The following PDE9A variants were observed in gnomAD, a reference collection of about 807,000 sequenced individuals.
PDE9A encodes the protein phosphodiesterase 9A, also known as high affinity cGMP-specific 3',5'-cyclic phosphodiesterase 9A.
A neutral mutation model predicts 87.4 loss-of-function variants in PDE9A; 60 were observed. The observed-to-expected ratio is 0.69, with a 90% CI of 0.56 to 0.85. The LOEUF (loss-of-function observed/expected upper bound fraction) is 0.85, where lower values mean the gene tolerates loss of function less well. Ranked by LOEUF, PDE9A falls within the 40% of genes least tolerant of loss-of-function variation. The pLI, the probability that PDE9A is intolerant of heterozygous loss-of-function variation, is 0.00. For synonymous variants in PDE9A, 272 were observed against 279.4 expected (o/e 0.97, Z 0.27); for missense variants, 665 against 779.0 (o/e 0.85, Z 1.74).
chr21:42,769,100 C>A lies in PDE9A; in HGVS notation c.1535C>A (p.Ala512Asp). Residue 512 changes from alanine to aspartate, a missense_variant, in exon 17 of 20, where the codon GCC (alanine) becomes GAC (aspartate). Ala to Asp is a moderately radical substitution (Grantham distance 126). Transcript: ENST00000291539. ...MDRDKVTKAT[A>D]QIGFIKFVLI... ...CGAGACAAAGTGACCAAGGCCACAGCCCAGATTGGGTTCATCAAGTTTGTC... is the reference window on the plus strand; with the variant it reads ...CGAGACAAAGTGACCAAGGCCACAGACCAGATTGGGTTCATCAAGTTTGTC... 1 of 1,613,794 alleles carries A rather than the reference C, an allele frequency of 6.2e-7. No homozygotes were observed. Among genetic ancestry groups the A allele is most frequent in the Non-Finnish European group, 8.5e-7 (1 of 1,179,722 alleles).
Position 42,760,946 on chromosome 21 carries a change from C to A in PDE9A, c.1085+39C>A. 2 of 1,349,376 alleles carry A rather than the reference C, an allele frequency of 1.5e-6. No individual in the cohort carries two copies. The highest frequency in any genetic ancestry group is 2.1e-6 in the Non-Finnish European group (2 of 939,068). The allele number at this position is 1,349,376 out of a possible 1,614,324, so 83.6% of individuals were successfully genotyped here. The stretch of plus-strand genomic sequence containing the variant: ...TTTCTCTTTTTTTCCTTTTAAAAGG[C>A]ACCCTGGCTACTGGAGGGAACCTGT... On this transcript the variant is annotated intron_variant, in intron 13 of 19. Transcript: ENST00000291539. The surrounding 1 kb of genome is among the most constrained non-coding windows in gnomAD (Gnocchi z 5.2).
intron 4 of PDE9A, among the ~76,000 whole-genome samples, chr21:42,726,624 A>ATATATATATTTTTTTTTTTTTT: frequency 5.1e-5 from 1 of 19,780 alleles, no homozygotes; most frequent in African/African-American, 3.4e-4. Flanking sequence ...ATATATATAT[A>ATATATATATTTTTTTTTTTTTT]TTTTTTTTTT....
rs536689766 is a variant in PDE9A at position 42,675,836 on chromosome 21, C to A, written c.70-10356C>A. Among the ~76,000 whole-genome samples the A allele has an allele frequency of 6.6e-6, 1 of 152,300 alleles. No individual in the cohort carries two copies. Among genetic ancestry groups the A allele is most frequent in the South Asian group, 2.1e-4 (1 of 4,830 alleles). ...GATCCAGATTCTCCAGTTGTACTTG[C>A]TGATGTCGTTTAGATATTTGTCCCC... On this transcript the variant is annotated intron_variant, in intron 1 of 19. Transcript: ENST00000291539. This position sits in a 1 kb window ranked among gnomAD's most constrained non-coding sequence, Gnocchi z 4.3.
chr21:42,711,070 A>C (rs1440959616), intron 4 of PDE9A, among the ~76,000 whole-genome samples: 1 of 152,228 alleles, frequency 6.6e-6, no homozygotes, highest in East Asian at 1.9e-4. Context: ...GAAACTCTAC[A>C]TAAGCTAGGA....
intron 4 of PDE9A, among the ~76,000 whole-genome samples, chr21:42,716,994 C>T (rs1425090341): frequency 6.6e-6 from 1 of 151,298 alleles, no homozygotes; most frequent in Non-Finnish European, 1.5e-5. Context: ...TCAAGTGATC[C>T]ACCCGCCTCA....
chr21:42,697,208 CA>C (rs1251616608), intron 3 of PDE9A, among the ~76,000 whole-genome samples: 1 of 152,146 alleles, frequency 6.6e-6, no homozygotes, highest in Non-Finnish European at 1.5e-5. Context: ...CCGAGAACCT[CA>C]GCCTCACCGC....
chr21:42,767,104 A>T (rs1489723628), intron 15 of PDE9A, among the ~76,000 whole-genome samples: 1 of 151,952 alleles, frequency 6.6e-6, no homozygotes, highest in Admixed American at 6.6e-5. Flanking sequence ...TCTCACTGCT[A>T]CGGAGCCCCA....
intron 1 of PDE9A, 41 bp from the exon 2 acceptor site, chr21:42,686,151 C>T: frequency 1.3e-6 from 2 of 1,531,860 alleles, no homozygotes; most frequent in South Asian, 1.1e-5. Context: ...CAGGGAGACC[C>T]GCCGCCCTCG....
intron 1 of PDE9A, among the ~76,000 whole-genome samples, chr21:42,674,313 A>AT (rs1383235765): frequency 2.2e-5 from 2 of 92,260 alleles, no homozygotes; most frequent in African/African-American, 5.9e-5. Flanking sequence ...GGCTTTAGAC[A>AT]TTCTTTTTTT....
rs144105448 is a variant in PDE9A at position 42,763,668 on chromosome 21, G to A, written c.1242+1429G>A. On this transcript the variant is annotated intron_variant, in intron 14 of 19. Coordinates refer to ENST00000291539, the MANE Select transcript of PDE9A (RefSeq NM_002606.3). Reference sequence around the variant, plus strand: ...CCCCAGGACACTCACCCAGGGCACCGTCTTCTGCGGTTCCACAAGGCAGAC... The same window carrying A: ...CCCCAGGACACTCACCCAGGGCACCATCTTCTGCGGTTCCACAAGGCAGAC... 7.4e-4 allele frequency among the ~76,000 whole-genome samples: 112 copies of A among 152,292 alleles called. 2 individuals are homozygous for A. In the East Asian group the frequency reaches 0.02, roughly 27 times the overall value.
chr21:42,747,581 G>A (rs2053995492), intron 8 of PDE9A, among the ~76,000 whole-genome samples: 1 of 152,268 alleles, frequency 6.6e-6, no homozygotes, highest in Non-Finnish European at 1.5e-5. Context: ...CCCGGGAGCA[G>A]GTGGCCGTCC....
intron 1 of PDE9A, among the ~76,000 whole-genome samples, chr21:42,671,076 C>A (rs1006200451): frequency 6.6e-6 from 1 of 152,094 alleles, no homozygotes; most frequent in African/African-American, 2.4e-5. Context: ...ACAAAGGAAG[C>A]GTTCTACTCC....
intron 16 of PDE9A, 160 bp downstream of exon 16, chr21:42,768,452 CA>C: frequency 9.0e-7 from 1 of 1,114,244 alleles, no homozygotes; most frequent in Non-Finnish European, 1.2e-6. Context: ...ACATCAGAAA[CA>C]AAATAGGTTA....
chr21:42,769,756 G>T (rs1158675019), intron 17 of PDE9A, among the ~76,000 whole-genome samples: 1 of 143,910 alleles, frequency 6.9e-6, no homozygotes, highest in African/African-American at 2.5e-5. Flanking sequence ...GCACACACAG[G>T]TATGCACATG....
chr21:42,658,068 C>T lies in PDE9A; in HGVS notation c.69+4185C>T, dbSNP rs1375064528. ...CCACCGTGGCTACGCCACACCTACGCTTGCCTCCACCCGACCTATGCCTGC... is the reference window on the plus strand; with the variant it reads ...CCACCGTGGCTACGCCACACCTACGTTTGCCTCCACCCGACCTATGCCTGC... On this transcript the variant is annotated intron_variant, in intron 1 of 19. Transcript: ENST00000291539. Among the ~76,000 whole-genome samples, 8 of 152,356 alleles carry T rather than the reference C, an allele frequency of 5.3e-5. No homozygotes were observed. The East Asian group carries it at 1.5e-3, about 29-fold the overall frequency.
intron 16 of PDE9A, chr21:42,768,525 G>C: frequency 1.5e-6 from 2 of 1,302,062 alleles, no homozygotes; most frequent in Non-Finnish European, 2.0e-6. Flanking sequence ...ACTGTCACCT[G>C]TCACTGCTAA....
intron 1 of PDE9A, among the ~76,000 whole-genome samples, chr21:42,674,197 C>G (rs1296256777): frequency 6.6e-6 from 1 of 152,150 alleles, no homozygotes; most frequent in East Asian, 1.9e-4. Flanking sequence ...TCACTGGACT[C>G]TCCTGGAGCC....
chr21:42,697,846 A>G (rs1359189526), intron 3 of PDE9A, among the ~76,000 whole-genome samples: 1 of 152,126 alleles, frequency 6.6e-6, no homozygotes, highest in Non-Finnish European at 1.5e-5. Flanking sequence ...GCTTCATTAT[A>G]TGAATTTGGG....
intron 7 of PDE9A, among the ~76,000 whole-genome samples, chr21:42,740,107 A>G (rs1353259026): frequency 1.3e-5 from 2 of 152,210 alleles, no homozygotes; most frequent in Non-Finnish European, 2.9e-5. Flanking sequence ...ATACATAGAT[A>G]CATACATAGA....
Sources: allele counts gnomAD v4.1 joint callset (sites outside exome capture counted in the v4.1 genomes callset), GRCh38; gene constraint gnomAD v4.1.1; non-coding constraint Gnocchi (gnomAD v3.1); transcripts MANE v1.5; gene names NCBI Gene and HGNC (gene_info 2026-07-23, HGNC 2026-07-21).